The following PCSK5 variants were observed in gnomAD, a reference collection of about 807,000 sequenced individuals.
The protein encoded by PCSK5 is proprotein convertase subtilisin/kexin type 5.
Under a neutral mutation model 233.2 loss-of-function variants are expected in PCSK5, and 129 were observed. That is an observed-to-expected ratio of 0.55 (90% CI 0.48 to 0.64). PCSK5 has a LOEUF of 0.64. Ranked by LOEUF, PCSK5 falls within the 30% of genes least tolerant of loss-of-function variation. PCSK5 has a pLI of 0.00. For missense variants in PCSK5, 2,076 were observed against 2,430.1 expected (o/e 0.85, Z 3.06); for synonymous variants, 825 against 879.2 (o/e 0.94, Z 1.09).
intron 9 of PCSK5, among the ~76,000 whole-genome samples, chr9:76,132,073 T>A (rs1822782484): frequency 6.6e-6 from 1 of 152,094 alleles, no homozygotes; most frequent in African/African-American, 2.4e-5. Flanking sequence ...TCATTCACTC[T>A]AATAACTAGG....
intron 35 of PCSK5, 89 bp downstream of exon 35, chr9:76,338,536 T>C (rs1294670619): frequency 1.1e-6 from 1 of 912,268 alleles, no homozygotes; most frequent in Non-Finnish European, 1.7e-6. Context: ...TCTCACCACC[T>C]GGGAGGTTCC....
chr9:75,957,434 G>A (rs1479708679), intron 2 of PCSK5, among the ~76,000 whole-genome samples: 1 of 152,102 alleles, frequency 6.6e-6, no homozygotes, highest in Non-Finnish European at 1.5e-5. Context: ...TAGCAAATTA[G>A]TGACTCTAGC....
chr9:75,891,449 C>A, intron 1 of PCSK5, 76 bp downstream of exon 1: 1 of 1,184,392 alleles, frequency 8.4e-7, no homozygotes, highest in Non-Finnish European at 1.2e-6. Context: ...CGTGGAACCC[C>A]CTCCCCCTCT....
chr9:76,208,574 G>C (rs1413063460), intron 20 of PCSK5, among the ~76,000 whole-genome samples: 2 of 152,016 alleles, frequency 1.3e-5, no homozygotes, highest in South Asian at 2.1e-4. Flanking sequence ...TTTATTTTTA[G>C]AGCCTCCCAT....
chr9:75,983,213 CATTTTTAA>C (rs1826356619), intron 2 of PCSK5, among the ~76,000 whole-genome samples: 1 of 152,150 alleles, frequency 6.6e-6, no homozygotes, highest in Non-Finnish European at 1.5e-5. Flanking sequence ...CTGCAGGATG[CATTTTTAA>C]AGCAACAGCA....
chr9:76,280,123 T>C (rs974754191), intron 24 of PCSK5, among the ~76,000 whole-genome samples: 1 of 152,202 alleles, frequency 6.6e-6, no homozygotes, highest in Non-Finnish European at 1.5e-5. Context: ...TCTCACAATA[T>C]TTTGAACTTT....
At position 75,909,822 on chromosome 9, in the gene PCSK5, CCTTGG is replaced by C. The variant is rs1335716414; in HGVS notation, c.192+18452_192+18456del. On this transcript the variant is annotated intron_variant, in intron 1 of 37. Transcript: ENST00000674117. ...TCCACTGAATGTTTCTGGTTCTCTCCCTTGGCTGTGTTATAAGATTGAATTTCCCT... is the reference window on the plus strand; with the variant it reads ...TCCACTGAATGTTTCTGGTTCTCTCCCTGTGTTATAAGATTGAATTTCCCT... Among the ~76,000 whole-genome samples the C allele has an allele frequency of 5.3e-5, 8 of 152,220 alleles. No homozygotes were observed. The East Asian group carries it at 1.5e-3, about 29-fold the overall frequency.
chr9:76,362,360 C>G lies in PCSK5; in HGVS notation c.*3438C>G, dbSNP rs954737152. On this transcript the variant is annotated 3_prime_UTR_variant, in exon 38 of 38. Coordinates refer to ENST00000674117, the MANE Select transcript of PCSK5 (RefSeq NM_001372043.1). ...GACCAGATAATGCTATGGAGACTTACTTATTAAATAACTTTCTGAGCATTT... is the reference window on the plus strand; with the variant it reads ...GACCAGATAATGCTATGGAGACTTAGTTATTAAATAACTTTCTGAGCATTT... The G allele has an allele frequency of 6.6e-6, 1 of 152,162 alleles. No homozygotes were observed. Among genetic ancestry groups the G allele is most frequent in the Admixed American group, 6.5e-5 (1 of 15,274 alleles). The allele number at this position is 152,162 out of a possible 1,614,324, so 9.4% of individuals were successfully genotyped here.
intron 1 of PCSK5, among the ~76,000 whole-genome samples, chr9:75,925,114 CA>C (rs1433275369): frequency 6.6e-6 from 1 of 151,992 alleles, no homozygotes; most frequent in Non-Finnish European, 1.5e-5. Context: ...GATTTTTGTT[CA>C]GTGATTTGAA....
At chr9:76,294,555 C>T (rs1828378539) in intron 25 of PCSK5, among the ~76,000 whole-genome samples, 1 of 152,098 alleles carries the variant, frequency 6.6e-6, no homozygotes, top group South Asian at 2.1e-4. Flanking sequence ...TGGTTAAAAT[C>T]CCAGTCCCAC....
chr9:76,334,342 C>T (rs866328025), intron 34 of PCSK5, among the ~76,000 whole-genome samples: 1 of 152,154 alleles, frequency 6.6e-6, no homozygotes, highest in Non-Finnish European at 1.5e-5. Context: ...TGCCTCTTCC[C>T]AAGAAAATTA....
intron 24 of PCSK5, among the ~76,000 whole-genome samples, chr9:76,258,728 C>T (rs1010255596): frequency 2.6e-5 from 4 of 152,134 alleles, no homozygotes; most frequent in South Asian, 2.1e-4. Context: ...CTTATGTGCT[C>T]GGCAAAGGAG....
At chr9:76,032,143 T>C (rs1189047267) in intron 5 of PCSK5, among the ~76,000 whole-genome samples, 3 of 152,208 alleles carry the variant, frequency 2.0e-5, no homozygotes, top group East Asian at 1.9e-4. Context: ...TTTGTAATTA[T>C]CATCAGAATA....
intron 9 of PCSK5, among the ~76,000 whole-genome samples, chr9:76,116,511 T>C (rs1832430684): frequency 6.6e-6 from 1 of 152,106 alleles, no homozygotes. Flanking sequence ...TGACATCCTG[T>C]CTGTGACCCA....
At chr9:76,234,317 C>A (rs187118549) in intron 22 of PCSK5, among the ~76,000 whole-genome samples, 7 of 152,172 alleles carry the variant, frequency 4.6e-5, no homozygotes, top group Non-Finnish European at 1.0e-4. Flanking sequence ...CAACACTGGA[C>A]CTGCATTTCC....
intron 22 of PCSK5, among the ~76,000 whole-genome samples, chr9:76,236,504 C>T (rs1036947487): frequency 6.6e-6 from 1 of 152,158 alleles, no homozygotes; most frequent in African/African-American, 2.4e-5. Context: ...GAAATAGCTT[C>T]GTCTACATAC....
At chr9:76,302,457 C>T (rs544320984) in intron 28 of PCSK5, among the ~76,000 whole-genome samples, 9 of 152,216 alleles carry the variant, frequency 5.9e-5, no homozygotes, top group East Asian at 5.8e-4. Flanking sequence ...TAAGGATATT[C>T]GTGACGAGCT....
intron 5 of PCSK5, among the ~76,000 whole-genome samples, chr9:76,058,115 G>T (rs1329998933): frequency 6.6e-6 from 1 of 152,130 alleles, no homozygotes; most frequent in Non-Finnish European, 1.5e-5. Context: ...CCAAAAAACT[G>T]CAAGGATTAC....
intron 2 of PCSK5, among the ~76,000 whole-genome samples, chr9:75,945,885 C>G (rs1317334229): frequency 2.0e-5 from 3 of 152,212 alleles, no homozygotes; most frequent in Admixed American, 2.0e-4. Context: ...AATATCCTTG[C>G]TAAGGTAGAT....
Sources: allele counts gnomAD v4.1 joint callset (sites outside exome capture counted in the v4.1 genomes callset), GRCh38; gene constraint gnomAD v4.1.1; transcripts MANE v1.5; gene names NCBI Gene and HGNC (gene_info 2026-07-23, HGNC 2026-07-21).